Variants in HS3ST2 observed in about 807,000 individuals in gnomAD.
HS3ST2 encodes heparan sulfate-glucosamine 3-sulfotransferase 2, also known as heparan sulfate glucosamine 3-O-sulfotransferase 2.
Under a neutral mutation model 26.3 loss-of-function variants are expected in HS3ST2, and 17 were observed. That is an observed-to-expected ratio of 0.65 (90% CI 0.44 to 0.97). The LOEUF (loss-of-function observed/expected upper bound fraction) is 0.97. Among genes scored for constraint, HS3ST2 ranks in the 50% least tolerant of loss-of-function variants. The pLI is 0.00. For synonymous variants in HS3ST2, 237 were observed against 219.2 expected, an observed-to-expected ratio of 1.08 and a Z score of -0.72; for missense variants, 402 against 501.2, an observed-to-expected ratio of 0.80 and a Z score of 1.89.
intron 1 of HS3ST2, among the ~76,000 whole-genome samples, chr16:22,904,842 A>G (rs1049884118): frequency 1.3e-5 from 2 of 152,300 alleles, no homozygotes; most frequent in South Asian, 2.1e-4. Context: ...CCAGGTTCAC[A>G]TAAGTATAAG....
intron 1 of HS3ST2, among the ~76,000 whole-genome samples, chr16:22,818,554 C>T (rs921449576): frequency 4.6e-5 from 7 of 152,126 alleles, no homozygotes; most frequent in Admixed American, 1.3e-4. Flanking sequence ...GTTACTAAAT[C>T]GGGCTGAGGA....
intron 1 of HS3ST2, among the ~76,000 whole-genome samples, chr16:22,856,269 A>C (rs999423357): frequency 6.6e-6 from 1 of 152,182 alleles, no homozygotes; most frequent in African/African-American, 2.4e-5. Flanking sequence ...ACCATTTTCC[A>C]GCAGACGGAA....
intron 1 of HS3ST2, among the ~76,000 whole-genome samples, chr16:22,815,732 G>A (rs74014339): frequency 0.085 from 12,932 of 152,162 alleles, 1,839 homozygotes; most frequent in African/African-American, 0.3. Flanking sequence ...TTCGAGTCTT[G>A]GGTCTGTCAC....
intron 1 of HS3ST2, among the ~76,000 whole-genome samples, chr16:22,871,121 A>C (rs1485476553): frequency 6.6e-6 from 1 of 152,034 alleles, no homozygotes; most frequent in Admixed American, 6.5e-5. Flanking sequence ...ACTTTGGGAG[A>C]CCCAGGCAGG....
intron 1 of HS3ST2, among the ~76,000 whole-genome samples, chr16:22,876,824 T>C (rs1188786391): frequency 6.6e-6 from 1 of 152,174 alleles, no homozygotes; most frequent in Non-Finnish European, 1.5e-5. Flanking sequence ...ACAGTGGCAG[T>C]TGCAGCAACC....
intron 1 of HS3ST2, among the ~76,000 whole-genome samples, chr16:22,836,905 A>G (rs1341921227): frequency 6.6e-6 from 1 of 152,006 alleles, no homozygotes; most frequent in African/African-American, 2.4e-5. Context: ...TGATCCACCC[A>G]CCTCAGCCTC....
chr16:22,866,619 G>A (rs1449517727), intron 1 of HS3ST2, among the ~76,000 whole-genome samples: 2 of 151,754 alleles, frequency 1.3e-5, no homozygotes, highest in African/African-American at 4.8e-5. Flanking sequence ...AGGGCAACAT[G>A]GCAAGACCCC....
intron 1 of HS3ST2, among the ~76,000 whole-genome samples, chr16:22,821,900 C>T (rs562058906): frequency 4.0e-4 from 61 of 152,226 alleles, no homozygotes; most frequent in Non-Finnish European, 7.6e-4. Flanking sequence ...GATCTGGAGC[C>T]GGAGCATCAC....
At chr16:22,825,320 C>T (rs995333357) in intron 1 of HS3ST2, among the ~76,000 whole-genome samples, 4 of 152,104 alleles carry the variant, frequency 2.6e-5, no homozygotes, top group Non-Finnish European at 5.9e-5. Flanking sequence ...TATTAAAAGC[C>T]TGTTAGTTGT....
At chr16:22,877,117 A>G (rs376376748) in intron 1 of HS3ST2, among the ~76,000 whole-genome samples, 20 of 152,282 alleles carry the variant, frequency 1.3e-4, no homozygotes, top group South Asian at 1.0e-3. Context: ...CGTTCCCCAA[A>G]AGCTTATTGA....
chr16:22,899,308 C>T (rs1250413544), intron 1 of HS3ST2, among the ~76,000 whole-genome samples: 3 of 152,072 alleles, frequency 2.0e-5, no homozygotes, highest in African/African-American at 7.2e-5. Flanking sequence ...CTGGGTTGAC[C>T]GGCTCCATAC....
At chr16:22,820,364 G>A (rs1037535109) in intron 1 of HS3ST2, among the ~76,000 whole-genome samples, 4 of 152,204 alleles carry the variant, frequency 2.6e-5, no homozygotes, top group African/African-American at 9.7e-5. Flanking sequence ...GGGGAATGAA[G>A]AACAGGCTTT....
chr16:22,873,821 TCA>T (rs1309577418), intron 1 of HS3ST2, among the ~76,000 whole-genome samples: 2 of 152,192 alleles, frequency 1.3e-5, no homozygotes, highest in African/African-American at 4.8e-5. Context: ...CTGGATTCAC[TCA>T]CACATCTGGG....
chr16:22,844,262 T>A (rs891754136), intron 1 of HS3ST2, among the ~76,000 whole-genome samples: 10 of 152,132 alleles, frequency 6.6e-5, no homozygotes, highest in African/African-American at 2.4e-4. Context: ...TATTTCTCAC[T>A]TTGGGATTCT....
At chr16:22,909,711 G>A (rs912443361) in intron 1 of HS3ST2, among the ~76,000 whole-genome samples, 4 of 152,120 alleles carry the variant, frequency 2.6e-5, no homozygotes, top group East Asian at 3.8e-4. Context: ...TTTAGTATTT[G>A]CCATTTGGTT....
intron 1 of HS3ST2, among the ~76,000 whole-genome samples, chr16:22,847,685 G>A (rs138524360): frequency 6.6e-6 from 1 of 151,852 alleles, no homozygotes; most frequent in African/African-American, 2.4e-5. Context: ...GCTGTGCGAA[G>A]GGCATACATG....
At chr16:22,861,489 G>C (rs374642336) in intron 1 of HS3ST2, among the ~76,000 whole-genome samples, 2 of 151,974 alleles carry the variant, frequency 1.3e-5, no homozygotes, top group South Asian at 4.2e-4. Flanking sequence ...GAAGTGACCA[G>C]AAGCTGGAGG....
chr16:22,884,557 C>A (rs937076634), intron 1 of HS3ST2, among the ~76,000 whole-genome samples: 7 of 151,840 alleles, frequency 4.6e-5, no homozygotes, highest in Non-Finnish European at 1.0e-4. Context: ...GGGACTGGTC[C>A]TGTAGCTTCT....
chr16:22,873,954 C>T (rs1901873932), intron 1 of HS3ST2, among the ~76,000 whole-genome samples: 1 of 152,196 alleles, frequency 6.6e-6, no homozygotes, highest in African/African-American at 2.4e-5. Context: ...CCTGGGCTTA[C>T]TCAATGGAGA....
Sources: allele counts gnomAD v4.1 joint callset (sites outside exome capture counted in the v4.1 genomes callset), GRCh38; gene constraint gnomAD v4.1.1; transcripts MANE v1.5; gene names NCBI Gene and HGNC (gene_info 2026-07-23, HGNC 2026-07-21).